The following SLX4IP variants were observed in gnomAD, a reference collection of about 807,000 sequenced individuals.
SLX4IP encodes SLX4 interacting protein.
Under a neutral mutation model 32.9 loss-of-function variants are expected in SLX4IP, and 34 were observed. That is an observed-to-expected ratio of 1.03 (90% CI 0.79 to 1.38). The LOEUF is 1.38. Ranked by LOEUF, SLX4IP falls within the 40% of genes most tolerant of loss-of-function variation. SLX4IP has a pLI of 0.00. For synonymous variants in SLX4IP, 172 were observed against 171.7 expected (o/e 1.00, Z -0.01); for missense variants, 444 against 479.0 (o/e 0.93, Z 0.68).
chr20:10,587,778 G>T (rs562955573), intron 4 of SLX4IP, among the ~76,000 whole-genome samples: 2 of 152,076 alleles, frequency 1.3e-5, no homozygotes, highest in African/African-American at 4.8e-5. Flanking sequence ...AATGGTTCTG[G>T]GTAAACTGGA....
chr20:10,609,048 G>C (rs1219381020), intron 6 of SLX4IP, among the ~76,000 whole-genome samples: 1 of 152,112 alleles, frequency 6.6e-6, no homozygotes, highest in Non-Finnish European at 1.5e-5. Flanking sequence ...GTGACCTTCA[G>C]TGGGAGTTCT....
chr20:10,439,983 C>T (rs113674585), intron 1 of SLX4IP, among the ~76,000 whole-genome samples: 3,393 of 152,024 alleles, frequency 0.022, 66 homozygotes, highest in Non-Finnish European at 0.034. Context: ...TTAGTATTGA[C>T]GTTTTGTGCT....
At chr20:10,572,808 G>A (rs2066480569) in intron 4 of SLX4IP, among the ~76,000 whole-genome samples, 1 of 152,064 alleles carries the variant, frequency 6.6e-6, no homozygotes, top group African/African-American at 2.4e-5. Context: ...TCACCCTTCT[G>A]TGGCATCCGA....
chr20:10,435,347 G>A lies in SLX4IP; in HGVS notation c.-136G>A, dbSNP rs992346597. Reference sequence around the variant, plus strand: ...GCTTCTGAAGGTTGGCTGCAGTTCCGGCTACCTGTGTAGTCCGAGTTTCCA... The same window carrying A: ...GCTTCTGAAGGTTGGCTGCAGTTCCAGCTACCTGTGTAGTCCGAGTTTCCA... On this transcript the variant is annotated 5_prime_UTR_variant, in exon 1 of 8. Coordinates refer to ENST00000334534, the MANE Select transcript of SLX4IP (RefSeq NM_001009608.3). 1 of 152,160 alleles carries A rather than the reference G, an allele frequency of 6.6e-6. No homozygotes were observed. The highest frequency in any genetic ancestry group is 2.4e-5 in the African/African-American group (1 of 41,430). 9.4% of individuals were successfully genotyped at this position (152,160 alleles called of 1,614,324 possible).
intron 6 of SLX4IP, among the ~76,000 whole-genome samples, chr20:10,603,096 A>G (rs1471664282): frequency 6.6e-6 from 1 of 152,280 alleles, no homozygotes; most frequent in East Asian, 1.9e-4. Flanking sequence ...TGGCAATGCC[A>G]TTGGCATACA....
intron 2 of SLX4IP, among the ~76,000 whole-genome samples, chr20:10,485,582 C>T (rs1473956100): frequency 6.6e-6 from 1 of 150,872 alleles, no homozygotes; most frequent in South Asian, 2.1e-4. Flanking sequence ...CGCACCACTA[C>T]ACTTCATTCA....
chr20:10,504,323 C>G (rs6131101), intron 2 of SLX4IP, among the ~76,000 whole-genome samples: 1 of 152,098 alleles, frequency 6.6e-6, no homozygotes, highest in East Asian at 1.9e-4. Context: ...AGAGAATGCC[C>G]TGAAAATACA....
At chr20:10,578,267 C>G (rs1425738406) in intron 4 of SLX4IP, among the ~76,000 whole-genome samples, 2 of 152,202 alleles carry the variant, frequency 1.3e-5, no homozygotes, top group Non-Finnish European at 2.9e-5. Context: ...CAACCAACCA[C>G]CAGCTTACTT....
intron 1 of SLX4IP, among the ~76,000 whole-genome samples, chr20:10,454,981 G>T (rs2065272626): frequency 6.6e-6 from 1 of 152,098 alleles, no homozygotes; most frequent in Non-Finnish European, 1.5e-5. Flanking sequence ...GTTTTGATTT[G>T]CATTTGATGG....
intron 2 of SLX4IP, among the ~76,000 whole-genome samples, chr20:10,475,597 T>G (rs1008261096): frequency 6.6e-6 from 1 of 152,190 alleles, no homozygotes. Flanking sequence ...ATCTTCCTTG[T>G]TATTCTCCCT....
At chr20:10,466,727 G>A (rs565566822) in intron 2 of SLX4IP, among the ~76,000 whole-genome samples, 1 of 152,022 alleles carries the variant, frequency 6.6e-6, no homozygotes, top group Non-Finnish European at 1.5e-5. Flanking sequence ...TCTTGATGGG[G>A]TTGTCTACTT....
chr20:10,614,045 G>C lies in SLX4IP; in HGVS notation c.406-7269G>C. Reference sequence around the variant, plus strand: ...AATAGACTTTTTCCAGGATCTGGAAGCAGCGGGTGGCGTCCTCCTTGTCGC... The same window carrying C: ...AATAGACTTTTTCCAGGATCTGGAACCAGCGGGTGGCGTCCTCCTTGTCGC... On this transcript the variant is annotated intron_variant, in intron 6 of 7. Coordinates refer to ENST00000334534, the MANE Select transcript of SLX4IP (RefSeq NM_001009608.3). The C allele has an allele frequency of 2.1e-6, 3 of 1,462,558 alleles. No homozygotes were observed. In the Admixed American group the frequency reaches 5.1e-5, roughly 25 times the overall value. The allele number at this position is 1,462,558 out of a possible 1,614,324, so 90.6% of individuals were successfully genotyped here.
chr20:10,497,045 TG>T (rs1222855697), intron 2 of SLX4IP, among the ~76,000 whole-genome samples: 1 of 152,192 alleles, frequency 6.6e-6, no homozygotes, highest in Non-Finnish European at 1.5e-5. Flanking sequence ...TATGTGTGTG[TG>T]TTTCTTTTCT....
chr20:10,548,581 G>A (rs2066188542), intron 2 of SLX4IP, among the ~76,000 whole-genome samples: 1 of 152,166 alleles, frequency 6.6e-6, no homozygotes, highest in South Asian at 2.1e-4. Flanking sequence ...TATTCAGGCT[G>A]TGTCTAATTC....
At chr20:10,468,058 C>T (rs2026317) in intron 2 of SLX4IP, among the ~76,000 whole-genome samples, 73,277 of 151,926 alleles carry the variant, frequency 0.48, 19,422 homozygotes, top group Non-Finnish European at 0.6. Flanking sequence ...AAGTTTCTGC[C>T]TACATTGATC....
intron 2 of SLX4IP, among the ~76,000 whole-genome samples, chr20:10,512,504 C>T (rs1460219718): frequency 2.7e-5 from 4 of 149,850 alleles, no homozygotes; most frequent in African/African-American, 9.8e-5. Flanking sequence ...CAAATGATCT[C>T]CTGCCTCAGC....
At chr20:10,512,204 G>T (rs916561310) in intron 2 of SLX4IP, among the ~76,000 whole-genome samples, 14 of 152,138 alleles carry the variant, frequency 9.2e-5, no homozygotes, top group African/African-American at 2.9e-4. Flanking sequence ...AATGTTATTT[G>T]CAAAAACAGG....
chr20:10,571,088 C>G (rs1033434196), intron 4 of SLX4IP, among the ~76,000 whole-genome samples: 35 of 152,198 alleles, frequency 2.3e-4, no homozygotes, highest in African/African-American at 8.4e-4. Flanking sequence ...CTGCCTCAGC[C>G]TCCGAAAGTG....
At chr20:10,599,803 C>A (rs533341823) in intron 5 of SLX4IP, among the ~76,000 whole-genome samples, 1 of 152,216 alleles carries the variant, frequency 6.6e-6, no homozygotes, top group African/African-American at 2.4e-5. Flanking sequence ...ACTATCATTG[C>A]CTAAATATTT....
Sources: gnomAD v4.1 joint callset for allele counts (sites outside exome capture counted in the v4.1 genomes callset) on GRCh38, gnomAD v4.1.1 for gene constraint, MANE v1.5 for transcripts, NCBI Gene and HGNC (gene_info 2026-07-23, HGNC 2026-07-21) for gene names.